ETNPPL: variants seen among roughly 807,000 people sequenced by gnomAD.
The protein encoded by ETNPPL is alanine--glyoxylate aminotransferase 2-like 1.
A neutral mutation model predicts 55.5 loss-of-function variants in ETNPPL; 30 were observed. That is an observed-to-expected ratio of 0.54 (90% confidence interval 0.40 to 0.73). ETNPPL has a LOEUF of 0.73. Among genes scored for constraint, ETNPPL ranks in the 30% least tolerant of loss-of-function variants. ETNPPL has a pLI of 0.00. For missense variants in ETNPPL, 528 were observed against 607.9 expected (o/e 0.87, Z 1.38); for synonymous variants, 202 against 207.2 (o/e 0.98, Z 0.21).
intron 9 of ETNPPL, among the ~76,000 whole-genome samples, chr4:108,747,153 ATATATATATATT>A: frequency 5.0e-5 from 1 of 20,174 alleles, no homozygotes; most frequent in African/African-American, 2.9e-4. Flanking sequence ...TATATAATAT[ATATATATATATT>A]ATATATATAT....
intron 9 of ETNPPL, among the ~76,000 whole-genome samples, chr4:108,747,176 AT>A (rs1560650469): frequency 0.048 from 613 of 12,820 alleles, 153 homozygotes; most frequent in Middle Eastern, 0.4. Context: ...ATATATATAT[AT>A]ATAATATATA....
chr4:108,757,256 A>C (rs1343699182), intron 3 of ETNPPL, among the ~76,000 whole-genome samples: 7 of 152,254 alleles, frequency 4.6e-5, no homozygotes, highest in South Asian at 2.1e-4. Context: ...TATACTACCC[A>C]AAAAAAGGAA....
At chr4:108,753,789 AAAG>A (rs767040753) in intron 5 of ETNPPL, among the ~76,000 whole-genome samples, 8,049 of 132,550 alleles carry the variant, frequency 0.061, 478 homozygotes, top group East Asian at 0.34. Flanking sequence ...AGAAAGAAAG[AAAG>A]AAAGAAAGAA....
At chr4:108,743,939 T>G in intron 11 of ETNPPL, 83 bp from the exon 12 acceptor site, 2 of 847,546 alleles carry the variant, frequency 2.4e-6, no homozygotes, top group Non-Finnish European at 4.0e-6. Context: ...TAGCAATACC[T>G]TTAATGAAGA....
At chr4:108,746,902 G>A (rs759086506) in intron 9 of ETNPPL, 51 bp from the exon 10 acceptor site, 81 of 1,251,234 alleles carry the variant, frequency 6.5e-5, no homozygotes, top group Non-Finnish European at 9.2e-5. Flanking sequence ...ACTCTTCACT[G>A]TCACAAAAAG....
At chr4:108,742,644 C>T (rs1728274688) in intron 12 of ETNPPL, 32 bp from the exon 13 acceptor site, 1 of 1,612,520 alleles carries the variant, frequency 6.2e-7, no homozygotes. Flanking sequence ...CTCCAGTGGG[C>T]ATCCACCTCT....
chr4:108,750,524 G>GATATGTGATATATATACGATATA (rs1728847727), intron 7 of ETNPPL, among the ~76,000 whole-genome samples: 2 of 139,052 alleles, frequency 1.4e-5, no homozygotes, highest in Non-Finnish European at 3.2e-5. Flanking sequence ...GTGTGTGTGT[G>GATATGTGATATATATACGATATA]TATGATATGT....
chr4:108,755,821 AAAACAAACAAAC>A (rs113876945), intron 4 of ETNPPL, among the ~76,000 whole-genome samples: 1 of 152,022 alleles, frequency 6.6e-6, no homozygotes, highest in Non-Finnish European at 1.5e-5. Flanking sequence ...ACTCCGTCTC[AAAACAAACAAAC>A]AAACAAACAA....
At chr4:108,747,255 T>A (rs569722578) in intron 9 of ETNPPL, among the ~76,000 whole-genome samples, 7 of 55,668 alleles carry the variant, frequency 1.3e-4, no homozygotes, top group South Asian at 6.3e-4. Context: ...ATATATATAT[T>A]ATATATATAT....
chr4:108,758,060 A>G (rs1729310954), intron 3 of ETNPPL, among the ~76,000 whole-genome samples: 1 of 144,466 alleles, frequency 6.9e-6, no homozygotes, highest in Non-Finnish European at 1.5e-5. Context: ...GCTGGAGTGC[A>G]ATGGTGTGAT....
In ETNPPL at chr4:108,747,143, TATATAA is replaced by T. The variant is rs760061996; in HGVS notation, c.1083-298_1083-293del. On this transcript the variant is annotated intron_variant, in intron 9 of 12. Coordinates refer to ENST00000296486, the MANE Select transcript of ETNPPL (RefSeq NM_031279.4). ...TTAACATTATATATATATATATATA[TATATAA>T]TATATATATATATATTATATATATA... Among the ~76,000 whole-genome samples the T allele has an allele frequency of 3.6e-3, 136 of 37,704 alleles. 10 individuals carry two copies. Among genetic ancestry groups the T allele is most frequent in the East Asian group, 0.023 (73 of 3,224 alleles). The allele number at this position is 37,704 out of a possible 152,430, so 24.7% of individuals were successfully genotyped here.
intron 11 of ETNPPL, 29 bp downstream of exon 11, chr4:108,746,370 G>T (rs1728497207): frequency 1.3e-6 from 2 of 1,598,096 alleles, no homozygotes; most frequent in Non-Finnish European, 1.7e-6. Context: ...GAGGGAACAA[G>T]AAGACATCTT....
rs1729381506 is a variant in ETNPPL, at chr4:108,759,190, G to GC, written c.335+558dup. ...TAAAAAGTCTAGCTTGTTGCCAGGC[G>GC]CAGTGGCTCACGCCTGTAATCCCAG... is the stretch of plus-strand genomic sequence containing the variant. On this transcript the variant is annotated intron_variant, in intron 3 of 12. Coordinates refer to ENST00000296486, the MANE Select transcript of ETNPPL (RefSeq NM_031279.4). Among the ~76,000 whole-genome samples, 6 of 151,772 alleles carry GC rather than the reference G, an allele frequency of 4.0e-5. No individual in the cohort carries two copies. The South Asian group carries it at 1.2e-3, about 32-fold the overall frequency.
chr4:108,747,239 T>A lies in ETNPPL; in HGVS notation c.1083-388A>T, dbSNP rs865798163. ...TATATATATATTATATATATATATA[T>A]AATATATATATATATTATATATATA... is the stretch of plus-strand genomic sequence containing the variant. On this transcript the variant is annotated intron_variant, in intron 9 of 12. Transcript: ENST00000296486. Among the ~76,000 whole-genome samples, 60 of 41,292 alleles carry A rather than the reference T, an allele frequency of 1.5e-3. 14 individuals carry two copies. The highest frequency in any genetic ancestry group is 0.012 in the African/African-American group (53 of 4,364). 27.1% of individuals were successfully genotyped at this position (41,292 alleles called of 152,430 possible). A position where few individuals can be genotyped will look rare whatever the true frequency, so the allele number is the denominator to read the frequency against.
chr4:108,762,693 G>A (rs1282607364), intron 1 of ETNPPL, 150 bp downstream of exon 1: 1 of 981,590 alleles, frequency 1.0e-6, no homozygotes, highest in Admixed American at 1.8e-5. Context: ...GCCCCTGCAG[G>A]TGGAGGCGCG....
At chr4:108,747,451 T>A (rs1728662410) in intron 9 of ETNPPL, among the ~76,000 whole-genome samples, 1 of 151,006 alleles carries the variant, frequency 6.6e-6, no homozygotes, top group African/African-American at 2.4e-5. Flanking sequence ...AATGTTTTTT[T>A]ATTGTTGTTG....
chr4:108,762,817 T>G, intron 1 of ETNPPL, 26 bp downstream of exon 1: 1 of 1,613,464 alleles, frequency 6.2e-7, no homozygotes, highest in Non-Finnish European at 8.5e-7. Flanking sequence ...CTCTCTGCAC[T>G]TACTTCCGGG....
At chr4:108,749,753 G>A (rs1225270483) in intron 7 of ETNPPL, among the ~76,000 whole-genome samples, 3 of 152,050 alleles carry the variant, frequency 2.0e-5, no homozygotes. Context: ...CTGTTGCCCA[G>A]GCTGGAGTGC....
rs1484591118 is a variant in ETNPPL, at chr4:108,742,599, G to A, written c.1385C>T (p.Ala462Val). Residue 462 changes from alanine to valine, a missense_variant, in exon 13 of 13, where the codon GCC becomes GTC. Transcript: ENST00000296486. ...TPCKTKMLKE[A>V]HIELLRDSTT... ...GCTGTCCCTAAGCAGTTCTATGTGG[G>A]CTTCTTTCAGCATCTGCAAGACAGG... 3 of 1,613,846 alleles carry A rather than the reference G, an allele frequency of 1.9e-6. No individual in the cohort carries two copies. Among genetic ancestry groups the A allele is most frequent in the Non-Finnish European group, 2.5e-6 (3 of 1,180,006 alleles).
Sources: gnomAD v4.1 joint callset for allele counts (sites outside exome capture counted in the v4.1 genomes callset) on GRCh38, gnomAD v4.1.1 for gene constraint, MANE v1.5 for transcripts, NCBI Gene and HGNC (gene_info 2026-07-23, HGNC 2026-07-21) for gene names.